Variants in SRRM2 observed in about 807,000 individuals in gnomAD.
SRRM2 encodes the protein serine/arginine repetitive matrix protein 2.
A neutral mutation model predicts 213.8 loss-of-function variants in SRRM2; 30 were observed. The ratio of observed to expected loss-of-function variants is 0.14; its 90% CI spans 0.10 to 0.19. The LOEUF (loss-of-function observed/expected upper bound fraction) is 0.19, where lower values mean the gene tolerates loss of function less well. Among genes scored for constraint, SRRM2 ranks in the 10% least tolerant of loss-of-function variants. The pLI is 1.00. For missense variants in SRRM2, 4,904 were observed against 3,647.0 expected, an observed-to-expected ratio of 1.34 and a Z score of -8.88; for synonymous variants, 2,025 against 1,377.7, an observed-to-expected ratio of 1.47 and a Z score of -10.40.
chr16:2,770,479 C>T lies in SRRM2; in HGVS notation c.8135+14C>T, dbSNP rs1207005456. On this transcript the variant is annotated intron_variant, in intron 13 of 14. Transcript: ENST00000301740. ...GGACCAGCAGAGGTAAGGCCAACTG[C>T]AGGTGTCAGCACCCAGCCTGTCTGG... 1.3e-6 allele frequency: 2 copies of T among 1,595,592 alleles called. No homozygotes were observed. Among genetic ancestry groups the T allele is most frequent in the Admixed American group, 1.7e-5 (1 of 57,818 alleles).
rs1372229169 is a variant in SRRM2 at position 2,766,572 on chromosome 16, G to A, written c.6044G>A (p.Arg2015His). 1.4e-5 allele frequency: 23 copies of A among 1,614,096 alleles called. No homozygotes were observed. Among genetic ancestry groups the A allele is most frequent in the Middle Eastern group, 3.3e-4 (2 of 6,062 alleles). ...RSRSRTSPVT[R>H]RRSRSRTPPA... ...CGCTCTCGAACCTCACCAGTGACAC[G>A]CCGCCGCTCTAGGTCCCGGACACCT... The change falls in exon 11 of 15, where the codon CGC becomes CAC. Residue 2015 changes from arginine to histidine, a missense_variant. Coordinates refer to ENST00000301740, the MANE Select transcript of SRRM2 (RefSeq NM_016333.4). This position sits in a 1 kb window ranked among gnomAD's most constrained non-coding sequence, Gnocchi z 7.0.
intron 1 of SRRM2, among the ~76,000 whole-genome samples, chr16:2,754,295 CTTTT>C (rs559750275): frequency 5.6e-5 from 8 of 143,214 alleles, no homozygotes; most frequent in African/African-American, 2.0e-4. Flanking sequence ...ACTGGTTTTT[CTTTT>C]TTTTTTTTTT....
At position 2,762,312 on chromosome 16, in the gene SRRM2, G is replaced by A. The variant is rs200665835; in HGVS notation, c.1784G>A (p.Arg595Gln). ...RSRTPARRRS[R>Q]SRTPTRRRSR... The stretch of plus-strand genomic sequence containing the variant: ...AGAACACCTGCCAGGCGGAGATCAC[G>A]ATCCAGAACTCCCACCAGGCGTAGG... The change falls in exon 11 of 15, where the codon CGA becomes CAA. Residue 595 changes from arginine (R) to glutamine (Q), a missense_variant. Coordinates refer to ENST00000301740, the MANE Select transcript of SRRM2 (RefSeq NM_016333.4). The A allele has an allele frequency of 5.7e-5, 92 of 1,613,972 alleles. No individual in the cohort carries two copies. Among genetic ancestry groups the A allele is most frequent in the Non-Finnish European group, 6.8e-5 (80 of 1,180,014 alleles).
intron 10 of SRRM2, among the ~76,000 whole-genome samples, chr16:2,761,012 CTTTCCAAA>C (rs567863776): frequency 2.0e-5 from 3 of 152,224 alleles, no homozygotes; most frequent in Non-Finnish European, 4.4e-5. Flanking sequence ...CCAGGGTTAC[CTTTCCAAA>C]TTACAAGTTG....
In SRRM2 at chr16:2,766,426, C is replaced by G. The variant is rs768928313; in HGVS notation, c.5898C>G (p.Thr1966=). Reference sequence around the variant, plus strand: ...CCAGATCCAGGACTCCACCAGTAACCAGGAGGCGATCTCGAAGCAGAACTT... The same window carrying G: ...CCAGATCCAGGACTCCACCAGTAACGAGGAGGCGATCTCGAAGCAGAACTT... ...RRSRSRTPPV[T]RRRSRSRTSP... is the part of the protein sequence containing the mutation. Residue 1966 remains threonine (T), a synonymous_variant, in exon 11 of 15, where the codon ACC becomes ACG. Coordinates refer to ENST00000301740, the MANE Select transcript of SRRM2 (RefSeq NM_016333.4). The surrounding 1 kb of genome is among the most constrained non-coding windows in gnomAD (Gnocchi z 7.0). The G allele has an allele frequency of 6.2e-7, 1 of 1,613,888 alleles. No homozygotes were observed. Among genetic ancestry groups the G allele is most frequent in the South Asian group, 1.1e-5 (1 of 91,060 alleles).
intron 1 of SRRM2, chr16:2,753,555 C>A (rs141077343): frequency 6.6e-6 from 1 of 152,090 alleles, no homozygotes; most frequent in Admixed American, 6.5e-5. Context: ...TACACTTTTT[C>A]AACGTCTCCC....
intron 4 of SRRM2, 119 bp downstream of exon 4, chr16:2,758,064 G>A: frequency 7.5e-7 from 1 of 1,333,970 alleles, no homozygotes; most frequent in East Asian, 2.3e-5. Context: ...TTCTTCTGAA[G>A]TTGAGGTGTC....
Position 2,762,140 on chromosome 16 carries a change from C to A in SRRM2, c.1612C>A (p.Gln538Lys). The change falls in exon 11 of 15, where the codon CAG becomes AAG. Residue 538 changes from glutamine (Q) to lysine (K), a missense_variant. By Grantham distance (53) the Gln-to-Lys change is moderately conservative. Coordinates refer to ENST00000301740, the MANE Select transcript of SRRM2 (RefSeq NM_016333.4). The stretch of plus-strand genomic sequence containing the variant: ...GCGACGTGGCCGCTCTAGGTCTCCT[C>A]AGCGACCAGGCTGGTCTAGGAGCAG... The part of the protein sequence containing the change: ...PQRRGRSRSP[Q>K]RPGWSRSRNT... 4 of 1,613,686 alleles carry A rather than the reference C, an allele frequency of 2.5e-6. No individual in the cohort carries two copies. The highest frequency in any genetic ancestry group is 3.4e-6 in the Non-Finnish European group (4 of 1,179,904).
intron 1 of SRRM2, among the ~76,000 whole-genome samples, chr16:2,754,294 TC>T (rs958018640): frequency 4.6e-5 from 7 of 151,760 alleles, no homozygotes; most frequent in African/African-American, 1.5e-4. Context: ...TACTGGTTTT[TC>T]TTTTTTTTTT....
intron 1 of SRRM2, among the ~76,000 whole-genome samples, chr16:2,753,116 G>C (rs1167124767): frequency 2.0e-5 from 3 of 151,908 alleles, no homozygotes; most frequent in Non-Finnish European, 4.4e-5. Context: ...GGTGAGGGGG[G>C]AGGGCGCGCG....
chr16:2,762,315 C>T lies in SRRM2; in HGVS notation c.1787C>T (p.Ser596Phe), dbSNP rs1175312533. The change falls in exon 11 of 15, where the codon TCC (serine) becomes TTC (phenylalanine). Residue 596 changes from serine (S) to phenylalanine (F), a missense_variant. Coordinates refer to ENST00000301740, the MANE Select transcript of SRRM2 (RefSeq NM_016333.4). ...ACACCTGCCAGGCGGAGATCACGATCCAGAACTCCCACCAGGCGTAGGTCT... is the reference window on the plus strand; with the variant it reads ...ACACCTGCCAGGCGGAGATCACGATTCAGAACTCCCACCAGGCGTAGGTCT... The part of the protein sequence containing the change: ...SRTPARRRSR[S>F]RTPTRRRSRS... 6.2e-7 allele frequency: 1 copy of T among 1,614,042 alleles called. No homozygotes were observed. The highest frequency in any genetic ancestry group is 1.3e-5 in the African/African-American group (1 of 74,908).
chr16:2,768,833 G>A lies in SRRM2; in HGVS notation c.7734-164G>A, dbSNP rs1335725297. Reference sequence around the variant, plus strand: ...GCTTCTGTTAGCAGAGGTTGGGTCAGCTCGCACCACTGCTCTCCAGAGAAT... The same window carrying A: ...GCTTCTGTTAGCAGAGGTTGGGTCAACTCGCACCACTGCTCTCCAGAGAAT... On this transcript the variant is annotated intron_variant, in intron 11 of 14. Coordinates refer to ENST00000301740, the MANE Select transcript of SRRM2 (RefSeq NM_016333.4). 9 of 1,440,270 alleles carry A rather than the reference G, an allele frequency of 6.2e-6. 1 individual carries two copies. Among genetic ancestry groups the A allele is most frequent in the Non-Finnish European group, 7.6e-6 (8 of 1,057,770 alleles). 89.2% of individuals were successfully genotyped at this position (1,440,270 alleles called of 1,614,324 possible).
In SRRM2 at chr16:2,764,124, C is replaced by T. The variant is rs944139652; in HGVS notation, c.3596C>T (p.Ser1199Leu). Residue 1199 changes from serine (S) to leucine (L), a missense_variant, in exon 11 of 15, where the codon TCA (serine) becomes TTA (leucine). Coordinates refer to ENST00000301740, the MANE Select transcript of SRRM2 (RefSeq NM_016333.4). ...CCAGTACAGGATAGGCCTGAGTCTTCACTGGTATTCAAAGACACACTTAGA... is the reference window on the plus strand; with the variant it reads ...CCAGTACAGGATAGGCCTGAGTCTTTACTGGTATTCAAAGACACACTTAGA... ...PFPVQDRPES[S>L]LVFKDTLRTP... is the part of the protein sequence containing the mutation. 15 of 1,614,026 alleles carry T rather than the reference C, an allele frequency of 9.3e-6. No individual in the cohort carries two copies. The highest frequency in any genetic ancestry group is 1.3e-5 in the African/African-American group (1 of 74,916).
intron 12 of SRRM2, 40 bp from the exon 13 acceptor site, chr16:2,770,312 G>GA: frequency 6.5e-7 from 1 of 1,529,704 alleles, no homozygotes; most frequent in Non-Finnish European, 8.8e-7. Flanking sequence ...CCGTGTGCTT[G>GA]AAAGGGTGTG....
chr16:2,770,859 T>A lies in SRRM2; in HGVS notation c.8251T>A (p.Ser2751Thr), dbSNP rs367780118. The change falls in exon 15 of 15, where the codon TCT becomes ACT. Residue 2751 changes from serine to threonine, a missense_variant and splice_region_variant. Physicochemically the swap from Ser to Thr is moderately conservative, Grantham distance 58 (BLOSUM62 1). Transcript: ENST00000301740. The stretch of plus-strand genomic sequence containing the variant: ...GTTGACCCATATCTTCTCTTGCAGG[T>A]CTCCATAAATTGTCTTTGGGGGATT... ...PRPMRHRSSR[S>T]P 9.9e-6 allele frequency: 16 copies of A among 1,613,870 alleles called. 1 individual carries two copies. The highest frequency in any genetic ancestry group is 1.4e-5 in the Non-Finnish European group (16 of 1,179,994).
rs1479847921 is a variant in SRRM2 at position 2,766,461 on chromosome 16, C to T, written c.5933C>T (p.Thr1978Ile). The T allele has an allele frequency of 7.4e-6, 12 of 1,613,970 alleles. No individual in the cohort carries two copies. The East Asian group carries it at 8.9e-5, about 12-fold the overall frequency. The change falls in exon 11 of 15, where the codon ACT becomes ATT. Residue 1978 changes from threonine (T) to isoleucine (I), a missense_variant. Transcript: ENST00000301740. This position sits in a 1 kb window ranked among gnomAD's most constrained non-coding sequence, Gnocchi z 7.0. ...TCTCGAAGCAGAACTTCGCCTATCACTCGCAGAAGATCAAGATCCAGAACA... is the reference window on the plus strand; with the variant it reads ...TCTCGAAGCAGAACTTCGCCTATCATTCGCAGAAGATCAAGATCCAGAACA... The part of the protein sequence containing the change: ...RRSRSRTSPI[T>I]RRRSRSRTSP...
rs201853767 is a variant in SRRM2 at position 2,765,989 on chromosome 16, C to T, written c.5461C>T (p.His1821Tyr). The change falls in exon 11 of 15, where the codon CAC becomes TAC. Residue 1821 changes from histidine to tyrosine, a missense_variant. Transcript: ENST00000301740. ...TRRRRGGSGY[H>Y]SRSPARQESS... ...GCGGCGGAGGGGAGGCTCTGGTTAT[C>T]ACTCAAGGTCACCTGCCCGGCAGGA... The T allele has an allele frequency of 1.2e-6, 2 of 1,614,032 alleles. No individual in the cohort carries two copies. The highest frequency in any genetic ancestry group is 1.7e-6 in the Non-Finnish European group (2 of 1,180,020).
chr16:2,764,565 G>T lies in SRRM2; in HGVS notation c.4037G>T (p.Gly1346Val). ...CCACTTGGTACAGAAATGAATACTG[G>T]ATTTTCTTCTGAGGTTAAAGAAGAT... ...SGPLGTEMNTGFSSEVKEDLN... is the reference protein window; with the variant it reads ...SGPLGTEMNTVFSSEVKEDLN... The change falls in exon 11 of 15, where the codon GGA (glycine) becomes GTA (valine). Residue 1346 changes from glycine to valine, a missense_variant. Gly to Val is a moderately radical substitution (Grantham distance 109, BLOSUM62 -3). Coordinates refer to ENST00000301740, the MANE Select transcript of SRRM2 (RefSeq NM_016333.4). 1 of 1,614,174 alleles carries T rather than the reference G, an allele frequency of 6.2e-7. No homozygotes were observed. Among genetic ancestry groups the T allele is most frequent in the Middle Eastern group, 1.6e-4 (1 of 6,062 alleles).
At chr16:2,760,164 T>A in intron 9 of SRRM2, 137 bp from the exon 10 acceptor site, 2 of 793,788 alleles carry the variant, frequency 2.5e-6, no homozygotes. Flanking sequence ...AGTGAATGAT[T>A]TGAGTTGTGC....
Sources: gnomAD v4.1 joint callset for allele counts (sites outside exome capture counted in the v4.1 genomes callset) on GRCh38, gnomAD v4.1.1 for gene constraint, Gnocchi (gnomAD v3.1) non-coding constraint, MANE v1.5 for transcripts, NCBI Gene and HGNC (gene_info 2026-07-23, HGNC 2026-07-21) for gene names.